Variants in FRMD5 observed in about 807,000 individuals in gnomAD.
FRMD5 encodes the protein FERM domain-containing protein 5.
FRMD5 carries 20 observed loss-of-function variants against 69.0 expected under a neutral mutation model. That is an observed-to-expected ratio of 0.29 (90% CI 0.20 to 0.42). The LOEUF (loss-of-function observed/expected upper bound fraction) is 0.42. FRMD5 is among the 10% of genes least tolerant of loss of function. The pLI, the probability that FRMD5 is intolerant of heterozygous loss-of-function variation, is 1.00. For synonymous variants in FRMD5, 271 were observed against 260.1 expected (o/e 1.04, Z -0.40); for missense variants, 595 against 708.6 (o/e 0.84, Z 1.82).
rs2088224550 is a variant in FRMD5 at position 43,873,599 on chromosome 15, C to T, written c.*286G>A. The T allele has an allele frequency of 7.6e-6, 11 of 1,445,092 alleles. No homozygotes were observed. The highest frequency in any genetic ancestry group is 9.9e-6 in the Non-Finnish European group (11 of 1,106,678). The allele number at this position is 1,445,092 out of a possible 1,614,324, so 89.5% of individuals were successfully genotyped here. ...TATACATCTATGAAAAATCAAAATT[C>T]AAAACCAAAAATTATCCTGCAAATT... On this transcript the variant is annotated 3_prime_UTR_variant, in exon 14 of 14. Transcript: ENST00000417257.
intron 4 of FRMD5, among the ~76,000 whole-genome samples, chr15:43,910,691 G>T (rs538514354): frequency 6.6e-6 from 1 of 151,982 alleles, no homozygotes; most frequent in East Asian, 1.9e-4. Context: ...TGTTGCCTCA[G>T]GTGGAAGCAG....
intron 1 of FRMD5, among the ~76,000 whole-genome samples, chr15:43,947,850 C>T (rs1368653973): frequency 6.6e-6 from 1 of 152,250 alleles, no homozygotes; most frequent in Non-Finnish European, 1.5e-5. Context: ...CCCTCCAGTA[C>T]TTAAACCTTT....
chr15:43,909,948 G>A lies in FRMD5; in HGVS notation c.361C>T (p.Leu121Phe). The stretch of plus-strand genomic sequence containing the variant: ...TTACAGAGGAGTCGGCCATGGTAGA[G>A]ATCCCTTTTGATCTGCAGGAAGACT... ...YLVFLQIKRD[L>F]YHGRLLCKTS... Residue 121 changes from leucine to phenylalanine, a missense_variant, in exon 5 of 14, where the codon CTC becomes TTC. Physicochemically the swap from Leu to Phe is conservative, Grantham distance 22. Transcript: ENST00000417257. 6.2e-7 allele frequency: 1 copy of A among 1,610,616 alleles called. No individual in the cohort carries two copies. Among genetic ancestry groups the A allele is most frequent in the Non-Finnish European group, 8.5e-7 (1 of 1,177,066 alleles).
chr15:44,033,856 T>C (rs1254836900), intron 1 of FRMD5, among the ~76,000 whole-genome samples: 1 of 152,158 alleles, frequency 6.6e-6, no homozygotes, highest in Non-Finnish European at 1.5e-5. Context: ...CTAAGATTCG[T>C]AAGAATTAAA....
At chr15:43,879,640 T>C (rs2088468115) in intron 13 of FRMD5, 3 of 398,922 alleles carry the variant, frequency 7.5e-6, no homozygotes, top group Non-Finnish European at 1.3e-5. Context: ...ACCCGGACTC[T>C]GGTGTGAATC....
At chr15:43,980,429 A>C (rs2090530662) in intron 1 of FRMD5, among the ~76,000 whole-genome samples, 1 of 152,216 alleles carries the variant, frequency 6.6e-6, no homozygotes, top group Non-Finnish European at 1.5e-5. Context: ...TTAAGCCTTC[A>C]AACAAACATT....
intron 13 of FRMD5, among the ~76,000 whole-genome samples, chr15:43,882,557 C>G (rs1318171814): frequency 6.6e-6 from 1 of 152,024 alleles, no homozygotes; most frequent in African/African-American, 2.4e-5. Context: ...CGGGGTTTCA[C>G]CATGTTGGCC....
intron 1 of FRMD5, among the ~76,000 whole-genome samples, chr15:43,942,131 T>C (rs947005578): frequency 6.6e-6 from 1 of 152,250 alleles, no homozygotes. Flanking sequence ...CATCTTTGGT[T>C]CTTCTGAGTT....
intron 1 of FRMD5, among the ~76,000 whole-genome samples, chr15:44,031,418 G>C (rs946987685): frequency 9.2e-5 from 14 of 152,268 alleles, no homozygotes; most frequent in Non-Finnish European, 2.9e-5. Context: ...CATAGTTCTG[G>C]AGGCTGAGAA....
At chr15:43,919,976 A>T (rs1417513290) in intron 2 of FRMD5, among the ~76,000 whole-genome samples, 167 bp from the exon 3 acceptor site, 1 of 152,238 alleles carries the variant, frequency 6.6e-6, no homozygotes, top group African/African-American at 2.4e-5. Flanking sequence ...ATTTTCTGAA[A>T]TGAGCTCCCA....
intron 1 of FRMD5, among the ~76,000 whole-genome samples, chr15:43,941,716 C>A (rs1215297497): frequency 6.6e-6 from 1 of 152,104 alleles, no homozygotes; most frequent in African/African-American, 2.4e-5. Flanking sequence ...TCAGACTGGC[C>A]AGCAGAACTG....
chr15:43,958,729 T>A (rs2090152873), intron 1 of FRMD5, among the ~76,000 whole-genome samples: 1 of 152,228 alleles, frequency 6.6e-6, no homozygotes, highest in Admixed American at 6.5e-5. Flanking sequence ...GTTACAGGCG[T>A]GAGCCACCCT....
chr15:44,152,405 ATTTG>A (rs1383128513), intron 1 of FRMD5, among the ~76,000 whole-genome samples: 4 of 152,194 alleles, frequency 2.6e-5, no homozygotes, highest in African/African-American at 9.7e-5. Context: ...ATAAGCCACA[ATTTG>A]TTTATTCATA....
chr15:43,948,267 G>A (rs1203149329), intron 1 of FRMD5, among the ~76,000 whole-genome samples: 1 of 152,206 alleles, frequency 6.6e-6, no homozygotes, highest in Non-Finnish European at 1.5e-5. Flanking sequence ...GGATAAAAGG[G>A]ATTGAAAGTG....
rs899421456 is a variant in FRMD5 at position 43,873,438 on chromosome 15, C to T, written c.*447G>A. The T allele has an allele frequency of 3.5e-6, 5 of 1,431,448 alleles. No homozygotes were observed. The highest frequency in any genetic ancestry group is 4.5e-6 in the Non-Finnish European group (5 of 1,102,830). 88.7% of individuals were successfully genotyped at this position (1,431,448 alleles called of 1,614,324 possible). ...TGAGTCTACTGGAACCCAGTGGCAC[C>T]AGCAGGAAAAGCTCCTGCAGAATAC... is the stretch of plus-strand genomic sequence containing the variant. On this transcript the variant is annotated 3_prime_UTR_variant, in exon 14 of 14. Transcript: ENST00000417257.
At position 43,972,651 on chromosome 15, in the gene FRMD5, T is replaced by C. The variant is rs531709158; in HGVS notation, c.103-48342A>G. ...TGGCCGGGTGCCCTTGTACAATAACTAACCTATACAACTGTACAGTCCTAA... is the reference window on the plus strand; with the variant it reads ...TGGCCGGGTGCCCTTGTACAATAACCAACCTATACAACTGTACAGTCCTAA... On this transcript the variant is annotated intron_variant, in intron 1 of 13. Transcript: ENST00000417257. Among the ~76,000 whole-genome samples, 4 of 152,316 alleles carry C rather than the reference T, an allele frequency of 2.6e-5. No individual in the cohort carries two copies. The South Asian group carries it at 8.3e-4, about 32-fold the overall frequency.
chr15:43,987,043 A>G (rs1016332718), intron 1 of FRMD5, among the ~76,000 whole-genome samples: 1 of 152,218 alleles, frequency 6.6e-6, no homozygotes, highest in East Asian at 1.9e-4. Flanking sequence ...GAACATAACC[A>G]ATAAATGTGT....
At chr15:44,010,415 T>G (rs1291809813) in intron 1 of FRMD5, among the ~76,000 whole-genome samples, 2 of 151,456 alleles carry the variant, frequency 1.3e-5, no homozygotes, top group African/African-American at 4.8e-5. Context: ...TTTTTTTTTT[T>G]TAGACAGAGT....
At chr15:43,980,828 T>A (rs935606010) in intron 1 of FRMD5, among the ~76,000 whole-genome samples, 3 of 152,162 alleles carry the variant, frequency 2.0e-5, no homozygotes, top group African/African-American at 7.2e-5. Flanking sequence ...TGCTGCTCAT[T>A]TTTGTGTATT....
Sources: gnomAD v4.1 joint callset for allele counts (sites outside exome capture counted in the v4.1 genomes callset) on GRCh38, gnomAD v4.1.1 for gene constraint, MANE v1.5 for transcripts, NCBI Gene and HGNC (gene_info 2026-07-23, HGNC 2026-07-21) for gene names.